CNIH4: variants seen among roughly 807,000 people sequenced by gnomAD.
CNIH4 encodes protein cornichon homolog 4.
In CNIH4, 9 loss-of-function variants were observed where a neutral mutation model predicts 21.5. The observed-to-expected ratio is 0.42, with a 90% CI of 0.25 to 0.73. The LOEUF (loss-of-function observed/expected upper bound fraction) is 0.73. Ranked by LOEUF, CNIH4 falls within the 30% of genes least tolerant of loss-of-function variation. The probability of loss-of-function intolerance (pLI) is 0.27; values close to 1 mark genes in which losing one functional copy is unlikely to be tolerated. For missense variants in CNIH4, 159 were observed against 170.0 expected (o/e 0.94, Z 0.36); for synonymous variants, 67 against 59.1 (o/e 1.13, Z -0.61).
chr1:224,367,903 A>T (rs1218300670), intron 3 of CNIH4, among the ~76,000 whole-genome samples: 1 of 152,234 alleles, frequency 6.6e-6, no homozygotes, highest in East Asian at 1.9e-4. Flanking sequence ...ATCTTTGAGA[A>T]TGAGGATCTT....
chr1:224,361,175 G>A (rs993867471), intron 2 of CNIH4, among the ~76,000 whole-genome samples: 8 of 149,668 alleles, frequency 5.3e-5, no homozygotes, highest in African/African-American at 2.0e-4. Flanking sequence ...GAGTGCAGTG[G>A]TGTGATCTGG....
chr1:224,371,672 G>A (rs1672634136), intron 4 of CNIH4, among the ~76,000 whole-genome samples: 1 of 152,198 alleles, frequency 6.6e-6, no homozygotes, highest in African/African-American at 2.4e-5. Context: ...ACAGGGCACG[G>A]TGACTTACGC....
At chr1:224,369,675 A>ATT (rs1193576882) in intron 3 of CNIH4, among the ~76,000 whole-genome samples, 9 of 127,622 alleles carry the variant, frequency 7.1e-5, no homozygotes, top group East Asian at 2.1e-4. Flanking sequence ...CCCTGATGTG[A>ATT]TTTTTTTTTT....
At chr1:224,370,980 GAT>G (rs1672607715) in intron 3 of CNIH4, among the ~76,000 whole-genome samples, 1 of 151,374 alleles carries the variant, frequency 6.6e-6, no homozygotes, top group Non-Finnish European at 1.5e-5. Flanking sequence ...GGGTTCAGGT[GAT>G]TATCCTGCCT....
At chr1:224,369,601 A>T (rs1461999120) in intron 3 of CNIH4, among the ~76,000 whole-genome samples, 1 of 152,114 alleles carries the variant, frequency 6.6e-6, no homozygotes, top group Non-Finnish European at 1.5e-5. Flanking sequence ...ATAAACTAAA[A>T]AAGTATAACT....
At chr1:224,372,984 T>G (rs1402960642) in intron 4 of CNIH4, among the ~76,000 whole-genome samples, 1 of 152,152 alleles carries the variant, frequency 6.6e-6, no homozygotes, top group East Asian at 1.9e-4. Context: ...CCCTTCACTG[T>G]GCTAAATCCA....
At position 224,376,133 on chromosome 1, in the gene CNIH4, T is replaced by TTC. The variant is rs1672775439; in HGVS notation, c.*311_*312insTC. ...ATCCCAGCTTTGCATGCCAAAGAAA[T>TTC]AAAGAACACACTTTAAAGGGCAAAC... On this transcript the variant is annotated 3_prime_UTR_variant, in exon 5 of 5. Coordinates refer to ENST00000465271, the MANE Select transcript of CNIH4 (RefSeq NM_014184.4). 2 of 1,085,604 alleles carry TTC rather than the reference T, an allele frequency of 1.8e-6. No homozygotes were observed. The highest frequency in any genetic ancestry group is 8.2e-5 in the South Asian group (2 of 24,274). 67.2% of individuals were successfully genotyped at this position (1,085,604 alleles called of 1,614,324 possible).
intron 1 of CNIH4, among the ~76,000 whole-genome samples, chr1:224,357,847 C>G (rs1465908938): frequency 6.6e-6 from 1 of 152,220 alleles, no homozygotes; most frequent in Admixed American, 6.5e-5. Context: ...ATGTCGGCTA[C>G]AACTCTTCCC....
At chr1:224,366,035 A>G (rs1346682009) in intron 3 of CNIH4, 44 bp downstream of exon 3, 1 of 1,290,868 alleles carries the variant, frequency 7.7e-7, no homozygotes, top group Admixed American at 1.7e-5. Flanking sequence ...AGTTAAAAAA[A>G]AATTTAAAAA....
At position 224,376,734 on chromosome 1, in the gene CNIH4, A is replaced by C; in HGVS notation, c.*912A>C. ...ACCACGTTGTGAACTGGGAGACCAA[A>C]TGCAAGCCATTTCATGGACATAGCA... On this transcript the variant is annotated 3_prime_UTR_variant, in exon 5 of 5. Coordinates refer to ENST00000465271, the MANE Select transcript of CNIH4 (RefSeq NM_014184.4). 1.0e-6 allele frequency: 1 copy of C among 985,440 alleles called. No homozygotes were observed. The highest frequency in any genetic ancestry group is 1.2e-6 in the Non-Finnish European group (1 of 829,938). 61.0% of individuals were successfully genotyped at this position (985,440 alleles called of 1,614,324 possible). A position where few individuals can be genotyped will look rare whatever the true frequency, so the allele number is the denominator to read the frequency against.
At chr1:224,360,243 A>G (rs1191969383) in intron 1 of CNIH4, among the ~76,000 whole-genome samples, 1 of 150,994 alleles carries the variant, frequency 6.6e-6, no homozygotes, top group Non-Finnish European at 1.5e-5. Context: ...CCATTGTTTT[A>G]CATTTGAAGA....
chr1:224,358,171 A>G (rs530688547), intron 1 of CNIH4, among the ~76,000 whole-genome samples: 1 of 152,216 alleles, frequency 6.6e-6, no homozygotes, highest in East Asian at 1.9e-4. Context: ...CTTGCACATT[A>G]TTTCCCTAAG....
chr1:224,362,801 C>T (rs923963989), intron 2 of CNIH4, among the ~76,000 whole-genome samples: 1 of 151,470 alleles, frequency 6.6e-6, no homozygotes, highest in Non-Finnish European at 1.5e-5. Flanking sequence ...TTTTAAAAGG[C>T]CTTTCTTGTT....
chr1:224,369,733 A>G (rs1572130592), intron 3 of CNIH4, among the ~76,000 whole-genome samples: 1 of 134,016 alleles, frequency 7.5e-6, no homozygotes, highest in Non-Finnish European at 1.5e-5. Context: ...CTGGAGTGTG[A>G]TACCGCAATC....
At position 224,376,169 on chromosome 1, in the gene CNIH4, A is replaced by G; in HGVS notation, c.*347A>G. On this transcript the variant is annotated 3_prime_UTR_variant, in exon 5 of 5. Transcript: ENST00000465271. ...CTTTAAAGGGCAAACTGAAGAGATGAGCGAGCAAAGGTGCCCTTCAGGTCT... is the reference window on the plus strand; with the variant it reads ...CTTTAAAGGGCAAACTGAAGAGATGGGCGAGCAAAGGTGCCCTTCAGGTCT... The G allele has an allele frequency of 9.7e-7, 1 of 1,027,208 alleles. No homozygotes were observed. The highest frequency in any genetic ancestry group is 1.2e-6 in the Non-Finnish European group (1 of 857,300). The allele number at this position is 1,027,208 out of a possible 1,614,324, so 63.6% of individuals were successfully genotyped here. A position where few individuals can be genotyped will look rare whatever the true frequency, so the allele number is the denominator to read the frequency against.
intron 2 of CNIH4, among the ~76,000 whole-genome samples, chr1:224,362,139 G>A (rs1283366922): frequency 1.3e-5 from 2 of 149,948 alleles, no homozygotes; most frequent in East Asian, 2.0e-4. Flanking sequence ...GGAGTGCAGT[G>A]GTGCGATCTT....
chr1:224,362,897 CCTT>C (rs1051123864), intron 2 of CNIH4, among the ~76,000 whole-genome samples: 2 of 152,056 alleles, frequency 1.3e-5, no homozygotes, highest in Non-Finnish European at 2.9e-5. Context: ...TTTTTTCCCT[CCTT>C]CTCTTCCTAC....
chr1:224,357,778 A>G (rs935269702), intron 1 of CNIH4, among the ~76,000 whole-genome samples: 35 of 152,244 alleles, frequency 2.3e-4, no homozygotes, highest in African/African-American at 8.4e-4. Context: ...CTTAAGTTGC[A>G]GTATTCAAAC....
intron 3 of CNIH4, among the ~76,000 whole-genome samples, chr1:224,368,165 C>T (rs1391667084): frequency 6.6e-6 from 1 of 152,120 alleles, no homozygotes; most frequent in Non-Finnish European, 1.5e-5. Context: ...AACTGCATCT[C>T]TACTAAAAAT....
Sources: gnomAD v4.1 joint callset for allele counts (sites outside exome capture counted in the v4.1 genomes callset) on GRCh38, gnomAD v4.1.1 for gene constraint, MANE v1.5 for transcripts, NCBI Gene and HGNC (gene_info 2026-07-23, HGNC 2026-07-21) for gene names.